PEX5L: variants seen among roughly 807,000 people sequenced by gnomAD.
PEX5L encodes the protein peroxisomal biogenesis factor 5 like, also known as PEX5-related protein.
PEX5L carries 30 observed loss-of-function variants against 84.0 expected under a neutral mutation model. That is an observed-to-expected ratio of 0.36 (90% CI 0.27 to 0.48). The LOEUF (loss-of-function observed/expected upper bound fraction) is 0.48, where lower values mean the gene tolerates loss of function less well. Among genes scored for constraint, PEX5L ranks in the 20% least tolerant of loss-of-function variants. The pLI is 0.99. For missense variants in PEX5L, 533 were observed against 754.6 expected (o/e 0.71, Z 3.44); for synonymous variants, 270 against 283.1 (o/e 0.95, Z 0.46).
intron 11 of PEX5L, among the ~76,000 whole-genome samples, chr3:179,810,513 A>G (rs1723365353): frequency 6.6e-6 from 1 of 152,090 alleles, no homozygotes; most frequent in Non-Finnish European, 1.5e-5. Flanking sequence ...GGATTTTCAA[A>G]CTGAAGTGCA....
chr3:179,987,968 C>G (rs983641663), intron 1 of PEX5L, among the ~76,000 whole-genome samples: 1 of 152,156 alleles, frequency 6.6e-6, no homozygotes, highest in African/African-American at 2.4e-5. Context: ...CATTTCAACT[C>G]TTTTGAGCTC....
At chr3:179,819,735 G>C in intron 9 of PEX5L, 125 bp downstream of exon 9, 3 of 854,318 alleles carry the variant, frequency 3.5e-6, no homozygotes, top group Non-Finnish European at 5.6e-6. Flanking sequence ...TTCTAGGTCA[G>C]ATTGACATTA....
intron 7 of PEX5L, among the ~76,000 whole-genome samples, chr3:179,869,654 A>G (rs935748004): frequency 6.6e-6 from 1 of 152,136 alleles, no homozygotes; most frequent in Non-Finnish European, 1.5e-5. Flanking sequence ...CCTGAAGCAC[A>G]GGTAGGGACT....
chr3:179,843,135 TAAAAA>T (rs1479364897), intron 8 of PEX5L, among the ~76,000 whole-genome samples: 1 of 152,216 alleles, frequency 6.6e-6, no homozygotes, highest in South Asian at 2.1e-4. Context: ...TAGTGATTAC[TAAAAA>T]AAGAACTGAT....
intron 2 of PEX5L, among the ~76,000 whole-genome samples, chr3:179,955,207 A>G (rs1205619173): frequency 6.6e-6 from 1 of 152,168 alleles, no homozygotes; most frequent in Non-Finnish European, 1.5e-5. Flanking sequence ...CATGTTTCTA[A>G]ATAAGGAAGA....
chr3:180,012,485 G>A (rs2110473502), intron 1 of PEX5L, among the ~76,000 whole-genome samples: 1 of 152,222 alleles, frequency 6.6e-6, no homozygotes, highest in Admixed American at 6.5e-5. Context: ...GGTAGGTTTT[G>A]TTTTGGAGTC....
At chr3:179,957,355 C>A (rs1179190947) in intron 2 of PEX5L, among the ~76,000 whole-genome samples, 1 of 152,030 alleles carries the variant, frequency 6.6e-6, no homozygotes, top group African/African-American at 2.4e-5. Context: ...AGGTAAGGCT[C>A]AGGGAGGAAG....
At chr3:179,978,966 C>T (rs952739968) in intron 1 of PEX5L, among the ~76,000 whole-genome samples, 1 of 152,144 alleles carries the variant, frequency 6.6e-6, no homozygotes, top group African/African-American at 2.4e-5. Flanking sequence ...ATCAATGTTT[C>T]CTGCATCTAT....
intron 6 of PEX5L, 149 bp from the exon 7 acceptor site, chr3:179,874,572 T>A (rs550470999): frequency 5.6e-6 from 3 of 536,614 alleles, no homozygotes; most frequent in African/African-American, 1.9e-5. Context: ...GTTTCATGTA[T>A]TTCTATTATA....
At chr3:179,969,995 A>G (rs774872715) in intron 2 of PEX5L, among the ~76,000 whole-genome samples, 5 of 152,170 alleles carry the variant, frequency 3.3e-5, no homozygotes, top group Admixed American at 6.6e-5. Context: ...AGAAAAAAAG[A>G]ACAATGGCTT....
chr3:180,031,313 G>C (rs541181518), intron 1 of PEX5L, among the ~76,000 whole-genome samples: 13 of 152,218 alleles, frequency 8.5e-5, no homozygotes, highest in African/African-American at 3.1e-4. Flanking sequence ...GTCTCATTTG[G>C]TATCCCTACT....
At chr3:179,924,876 A>G (rs1465188955) in intron 2 of PEX5L, among the ~76,000 whole-genome samples, 1 of 152,218 alleles carries the variant, frequency 6.6e-6, no homozygotes, top group Non-Finnish European at 1.5e-5. Flanking sequence ...ATGAATTTTT[A>G]AAAAGTACTG....
chr3:179,877,751 C>T lies in PEX5L; in HGVS notation c.505+2178G>A, dbSNP rs570237708. Among the ~76,000 whole-genome samples, 8 of 152,274 alleles carry T rather than the reference C, an allele frequency of 5.3e-5. No individual in the cohort carries two copies. In the South Asian group the frequency reaches 1.5e-3, roughly 28 times the overall value. The stretch of plus-strand genomic sequence containing the variant: ...GGGATTACAGATATGAGCCACTGCA[C>T]CCAATCAATGTATTAATATATTTTA... On this transcript the variant is annotated intron_variant, in intron 5 of 14. Coordinates refer to ENST00000467460, the MANE Select transcript of PEX5L (RefSeq NM_016559.3).
chr3:180,024,223 C>T (rs1790691404), intron 1 of PEX5L, among the ~76,000 whole-genome samples: 1 of 151,410 alleles, frequency 6.6e-6, no homozygotes, highest in African/African-American at 2.4e-5. Context: ...AATCACTCCT[C>T]CGTATTTCGG....
At chr3:179,802,197 C>A (rs1719127857) in intron 14 of PEX5L, among the ~76,000 whole-genome samples, 165 bp from the exon 15 acceptor site, 1 of 152,048 alleles carries the variant, frequency 6.6e-6, no homozygotes, top group South Asian at 2.1e-4. Flanking sequence ...CTCTTATATT[C>A]TTTAGTGAGC....
intron 1 of PEX5L, chr3:179,973,909 T>C (rs12488363): frequency 0.33 from 323,067 of 985,054 alleles, 55,576 homozygotes; most frequent in African/African-American, 0.6. Context: ...TACACAAAGC[T>C]GGAGCCTTAC....
In PEX5L at chr3:180,036,608, G is replaced by A. The variant is rs184824136; in HGVS notation, c.-9C>T. 1.5e-5 allele frequency: 25 copies of A among 1,613,964 alleles called. 1 individual carries two copies. In the South Asian group the frequency reaches 2.2e-4, roughly 14 times the overall value. ...ATGTGTCCCTGGTACATTCTGCTTCGGTTTCTTCAGGGCTCCCTGAGGCCA... is the reference window on the plus strand; with the variant it reads ...ATGTGTCCCTGGTACATTCTGCTTCAGTTTCTTCAGGGCTCCCTGAGGCCA... On this transcript the variant is annotated 5_prime_UTR_variant, in exon 1 of 15. Transcript: ENST00000467460.
At chr3:179,972,230 T>C (rs1468811998) in intron 1 of PEX5L, among the ~76,000 whole-genome samples, 1 of 151,878 alleles carries the variant, frequency 6.6e-6, no homozygotes, top group Non-Finnish European at 1.5e-5. Context: ...ATTTACAAAA[T>C]TAGGTATTCG....
In PEX5L at chr3:179,799,268, A is replaced by T. The variant is rs1280308875; in HGVS notation, c.*2560T>A. 1 of 152,196 alleles carries T rather than the reference A, an allele frequency of 6.6e-6. No individual in the cohort carries two copies. The highest frequency in any genetic ancestry group is 6.5e-5 in the Admixed American group (1 of 15,284). 9.4% of individuals were successfully genotyped at this position (152,196 alleles called of 1,614,324 possible). ...TTAACTTAATTTTATAAAAAATATT[A>T]TTGAAAAATGCAACTCTTTTCCTCT... On this transcript the variant is annotated 3_prime_UTR_variant, in exon 15 of 15. Coordinates refer to ENST00000467460, the MANE Select transcript of PEX5L (RefSeq NM_016559.3).
Sources: allele counts gnomAD v4.1 joint callset (sites outside exome capture counted in the v4.1 genomes callset), GRCh38; gene constraint gnomAD v4.1.1; transcripts MANE v1.5; gene names NCBI Gene and HGNC (gene_info 2026-07-23, HGNC 2026-07-21).